The following ARHGAP10 variants were observed in gnomAD, a reference collection of about 807,000 sequenced individuals.
ARHGAP10 encodes rho GTPase-activating protein 10.
ARHGAP10 carries 87 observed loss-of-function variants against 108.6 expected under a neutral mutation model. The ratio of observed to expected loss-of-function variants is 0.80; its 90% confidence interval spans 0.67 to 0.96. The LOEUF (loss-of-function observed/expected upper bound fraction) is 0.96, where lower values mean the gene tolerates loss of function less well. Among genes scored for constraint, ARHGAP10 ranks in the 40% least tolerant of loss-of-function variants. The pLI is 0.00. For synonymous variants in ARHGAP10, 347 were observed against 341.1 expected (o/e 1.02, Z -0.19); for missense variants, 939 against 954.5 (o/e 0.98, Z 0.21).
At chr4:147,878,846 G>A (rs1353417939) in intron 8 of ARHGAP10, among the ~76,000 whole-genome samples, 2 of 142,708 alleles carry the variant, frequency 1.4e-5, no homozygotes, top group South Asian at 2.2e-4. Context: ...GCGCGATCTC[G>A]GCTCACTGCA....
chr4:147,743,901 G>A (rs1728800228), intron 1 of ARHGAP10, among the ~76,000 whole-genome samples: 1 of 152,156 alleles, frequency 6.6e-6, no homozygotes, highest in South Asian at 2.1e-4. Flanking sequence ...AACTCTCTCT[G>A]TGTTTGCTAG....
Position 147,958,399 on chromosome 4 carries a change from G to C in ARHGAP10, c.1450+3025G>C, listed in dbSNP as rs796553292. Among the ~76,000 whole-genome samples the C allele has an allele frequency of 3.9e-5, 6 of 152,340 alleles. No homozygotes were observed. The East Asian group carries it at 9.6e-4, about 24-fold the overall frequency. On this transcript the variant is annotated intron_variant, in intron 16 of 22. Transcript: ENST00000336498. Reference sequence around the variant, plus strand: ...TGTATTTCTTCCTGTAGTCAAGTTAGTTGGGAAGCAAAATGATTACCACAA... The same window carrying C: ...TGTATTTCTTCCTGTAGTCAAGTTACTTGGGAAGCAAAATGATTACCACAA...
chr4:147,881,291 G>A (rs1168462580), intron 9 of ARHGAP10, among the ~76,000 whole-genome samples: 1 of 151,204 alleles, frequency 6.6e-6, no homozygotes, highest in Non-Finnish European at 1.5e-5. Flanking sequence ...AAGTAACATT[G>A]GTATTGTCTG....
chr4:148,058,599 C>T (rs563879954), intron 20 of ARHGAP10, among the ~76,000 whole-genome samples: 1 of 152,174 alleles, frequency 6.6e-6, no homozygotes, highest in African/African-American at 2.4e-5. Context: ...CTCCCTTCCC[C>T]CTTTCTGAAA....
At chr4:147,754,865 G>A (rs980935505) in intron 1 of ARHGAP10, among the ~76,000 whole-genome samples, 4 of 152,102 alleles carry the variant, frequency 2.6e-5, no homozygotes, top group African/African-American at 7.2e-5. Flanking sequence ...AGGTGGAGGC[G>A]GCTGGATCAC....
At chr4:147,765,337 T>TGTGGGG (rs540944488) in intron 1 of ARHGAP10, among the ~76,000 whole-genome samples, 3 of 58,588 alleles carry the variant, frequency 5.1e-5, no homozygotes, top group Admixed American at 1.9e-4. Flanking sequence ...TGTGTGTGTG[T>TGTGGGG]GGGGGGGGGG....
At chr4:147,796,493 G>A (rs1731322077) in intron 1 of ARHGAP10, among the ~76,000 whole-genome samples, 1 of 151,774 alleles carries the variant, frequency 6.6e-6, no homozygotes, top group African/African-American at 2.4e-5. Context: ...CCCAAATACT[G>A]GTTCATCTCT....
intron 19 of ARHGAP10, among the ~76,000 whole-genome samples, chr4:148,042,230 T>C (rs1728663740): frequency 6.6e-6 from 1 of 152,218 alleles, no homozygotes; most frequent in Non-Finnish European, 1.5e-5. Flanking sequence ...AGTTTCTCTC[T>C]CACCCTTCAC....
chr4:147,860,259 G>T (rs1377123834), intron 5 of ARHGAP10, among the ~76,000 whole-genome samples: 1 of 152,120 alleles, frequency 6.6e-6, no homozygotes, highest in Non-Finnish European at 1.5e-5. Context: ...TGGCTAACAC[G>T]GTGAAACCCC....
chr4:147,854,891 T>A (rs1324027723), intron 4 of ARHGAP10: 8 of 983,912 alleles, frequency 8.1e-6, no homozygotes, highest in Non-Finnish European at 9.7e-6. Context: ...TCTTTCTTCA[T>A]AAAGGCTTGA....
At chr4:148,003,190 A>T (rs991423573) in intron 18 of ARHGAP10, among the ~76,000 whole-genome samples, 1 of 152,168 alleles carries the variant, frequency 6.6e-6, no homozygotes, top group Non-Finnish European at 1.5e-5. Context: ...GTCATTCAGG[A>T]GCAGGTTGTT....
At chr4:148,023,571 G>C (rs1741655320) in intron 19 of ARHGAP10, among the ~76,000 whole-genome samples, 158 bp downstream of exon 19, 2 of 152,192 alleles carry the variant, frequency 1.3e-5, no homozygotes, top group Non-Finnish European at 2.9e-5. Context: ...AAGCTTTTTT[G>C]TAAGGGAGAA....
chr4:147,947,898 C>T (rs1738447266), intron 15 of ARHGAP10, among the ~76,000 whole-genome samples: 1 of 151,010 alleles, frequency 6.6e-6, no homozygotes, highest in Non-Finnish European at 1.5e-5. Flanking sequence ...CTTGAGTTAT[C>T]AACATTCCAT....
In ARHGAP10 at chr4:147,822,961, A is replaced by C; in HGVS notation, c.312+4A>C. On this transcript the variant is annotated splice_donor_region_variant and intron_variant, in intron 3 of 22. Coordinates refer to ENST00000336498, the MANE Select transcript of ARHGAP10 (RefSeq NM_024605.4). ...GGAGGAACAGAGAGAAATTATGGTGAGTTGAGAGGGGTGTAAATTAATAAG... is the reference window on the plus strand; with the variant it reads ...GGAGGAACAGAGAGAAATTATGGTGCGTTGAGAGGGGTGTAAATTAATAAG... 6.2e-7 allele frequency: 1 copy of C among 1,611,502 alleles called. No homozygotes were observed. Among genetic ancestry groups the C allele is most frequent in the South Asian group, 1.1e-5 (1 of 90,926 alleles).
intron 1 of ARHGAP10, among the ~76,000 whole-genome samples, chr4:147,761,456 T>G (rs1208383903): frequency 1.3e-5 from 2 of 152,186 alleles, no homozygotes; most frequent in African/African-American, 4.8e-5. Flanking sequence ...TTTGGTACTT[T>G]TGGGTGGCGC....
At chr4:147,869,349 TG>T (rs969903642) in intron 7 of ARHGAP10, among the ~76,000 whole-genome samples, 2 of 152,046 alleles carry the variant, frequency 1.3e-5, no homozygotes, top group African/African-American at 2.4e-5. Flanking sequence ...ACACACCTGT[TG>T]GGGGGGCGTC....
At chr4:147,781,930 G>A (rs1407205634) in intron 1 of ARHGAP10, among the ~76,000 whole-genome samples, 1 of 152,030 alleles carries the variant, frequency 6.6e-6, no homozygotes, top group Non-Finnish European at 1.5e-5. Context: ...TTAAATCTGA[G>A]TTTCCACATT....
At chr4:148,056,818 T>C (rs1019064956) in intron 20 of ARHGAP10, among the ~76,000 whole-genome samples, 1 of 152,220 alleles carries the variant, frequency 6.6e-6, no homozygotes, top group African/African-American at 2.4e-5. Context: ...TGCTGTCTTT[T>C]GGTAAATTAA....
At chr4:147,814,065 C>T (rs749535059) in intron 1 of ARHGAP10, among the ~76,000 whole-genome samples, 2 of 152,136 alleles carry the variant, frequency 1.3e-5, no homozygotes, top group East Asian at 1.9e-4. Flanking sequence ...TGGACCCCTC[C>T]GTTCCTATGC....
Sources: gnomAD v4.1 joint callset for allele counts (sites outside exome capture counted in the v4.1 genomes callset) on GRCh38, gnomAD v4.1.1 for gene constraint, MANE v1.5 for transcripts, NCBI Gene and HGNC (gene_info 2026-07-23, HGNC 2026-07-21) for gene names.